Variants in PRKCI observed in about 807,000 individuals in gnomAD.
PRKCI encodes protein kinase C iota.
Under a neutral mutation model 84.0 loss-of-function variants are expected in PRKCI, and 43 were observed. The observed-to-expected ratio is 0.51, with a 90% CI of 0.40 to 0.66. The LOEUF (loss-of-function observed/expected upper bound fraction) is 0.66, where lower values mean the gene tolerates loss of function less well. Among genes scored for constraint, PRKCI ranks in the 30% least tolerant of loss-of-function variants. The pLI is 0.00. For missense variants in PRKCI, 459 were observed against 745.6 expected (o/e 0.62, Z 4.48); for synonymous variants, 216 against 234.4 (o/e 0.92, Z 0.72).
chr3:170,231,824 C>G (rs114163338), intron 1 of PRKCI, among the ~76,000 whole-genome samples: 3,220 of 152,220 alleles, frequency 0.021, 61 homozygotes, highest in East Asian at 0.1. Context: ...TAGTAATAAT[C>G]TCTTATCTTA....
At chr3:170,281,540 T>C (rs1033007510) in intron 10 of PRKCI, 17 of 409,046 alleles carry the variant, frequency 4.2e-5, no homozygotes, top group Non-Finnish European at 6.5e-5. Context: ...TATTCTAGTT[T>C]TATGACTTAA....
intron 4 of PRKCI, among the ~76,000 whole-genome samples, chr3:170,264,668 A>G (rs1344120174): frequency 6.6e-6 from 1 of 152,170 alleles, no homozygotes; most frequent in African/African-American, 2.4e-5. Context: ...TCCAATTCCT[A>G]GTAACTTCAG....
chr3:170,271,052 A>G (rs1054599535), intron 6 of PRKCI, among the ~76,000 whole-genome samples: 3 of 152,202 alleles, frequency 2.0e-5, no homozygotes, highest in African/African-American at 7.2e-5. Flanking sequence ...AAAAAAATAC[A>G]GAATACAGAT....
At chr3:170,234,743 CTATT>C (rs1206842748) in intron 1 of PRKCI, among the ~76,000 whole-genome samples, 1 of 152,028 alleles carries the variant, frequency 6.6e-6, no homozygotes, top group Non-Finnish European at 1.5e-5. Flanking sequence ...TTTTTAAAAA[CTATT>C]TAAAACAATA....
chr3:170,287,444 AT>A (rs1004671650), intron 12 of PRKCI, among the ~76,000 whole-genome samples: 1 of 151,904 alleles, frequency 6.6e-6, no homozygotes, highest in African/African-American at 2.4e-5. Context: ...TCATTCTGTT[AT>A]GTAGCATCAC....
At chr3:170,248,786 G>T (rs1347816602) in intron 2 of PRKCI, among the ~76,000 whole-genome samples, 1 of 151,972 alleles carries the variant, frequency 6.6e-6, no homozygotes, top group Non-Finnish European at 1.5e-5. Context: ...AGCAGATACT[G>T]GCCTGATAAA....
At chr3:170,288,143 G>T (rs530772410) in intron 12 of PRKCI, among the ~76,000 whole-genome samples, 16 of 151,796 alleles carry the variant, frequency 1.1e-4, no homozygotes, top group Admixed American at 2.6e-4. Context: ...CTACTCGGGA[G>T]GCTGAGGCAG....
At chr3:170,241,098 A>T (rs184147715) in intron 2 of PRKCI, among the ~76,000 whole-genome samples, 2 of 152,286 alleles carry the variant, frequency 1.3e-5, no homozygotes, top group African/African-American at 2.4e-5. Context: ...CGTGGGATAC[A>T]GTGTGATGTT....
intron 12 of PRKCI, among the ~76,000 whole-genome samples, chr3:170,286,485 CTTTTTTT>C (rs34674664): frequency 1.2e-4 from 8 of 65,588 alleles, no homozygotes; most frequent in Middle Eastern, 0.017. Context: ...AACAATGAGG[CTTTTTTT>C]TTTTTTTTTT....
chr3:170,285,535 C>T (rs983149339), intron 12 of PRKCI, among the ~76,000 whole-genome samples: 2 of 152,156 alleles, frequency 1.3e-5, no homozygotes, highest in African/African-American at 4.8e-5. Flanking sequence ...GTGTGAATTG[C>T]ATTCCCTGTT....
At chr3:170,245,695 G>C (rs1278260790) in intron 2 of PRKCI, among the ~76,000 whole-genome samples, 1 of 152,014 alleles carries the variant, frequency 6.6e-6, no homozygotes, top group East Asian at 1.9e-4. Context: ...GGCAATCACT[G>C]ATCTGCTTTC....
At chr3:170,226,013 A>T (rs1033443348) in intron 1 of PRKCI, among the ~76,000 whole-genome samples, 8 of 151,886 alleles carry the variant, frequency 5.3e-5, no homozygotes, top group Non-Finnish European at 1.0e-4. Context: ...CCCAGGTTCA[A>T]GGGATTCTCC....
intron 1 of PRKCI, among the ~76,000 whole-genome samples, chr3:170,229,111 A>T (rs73034314): frequency 0.038 from 5,718 of 152,146 alleles, 191 homozygotes; most frequent in East Asian, 0.1. Context: ...GTTAACAGTT[A>T]GGGATATTCT....
chr3:170,270,051 T>A (rs528605772), intron 5 of PRKCI, among the ~76,000 whole-genome samples: 1 of 152,346 alleles, frequency 6.6e-6, no homozygotes, highest in South Asian at 2.1e-4. Flanking sequence ...AGCTTTGTTT[T>A]GACCTCTGAA....
chr3:170,230,537 C>T (rs1009749638), intron 1 of PRKCI, among the ~76,000 whole-genome samples: 39 of 152,318 alleles, frequency 2.6e-4, no homozygotes, highest in African/African-American at 8.9e-4. Flanking sequence ...GCCATGTTGG[C>T]CAGGCTGGTC....
chr3:170,278,513 G>A (rs941214109), intron 8 of PRKCI, among the ~76,000 whole-genome samples: 4 of 152,128 alleles, frequency 2.6e-5, no homozygotes, highest in African/African-American at 9.7e-5. Flanking sequence ...AAAATTAGCC[G>A]GGTTTGGAGG....
intron 5 of PRKCI, among the ~76,000 whole-genome samples, chr3:170,269,678 CAA>C (rs552253834): frequency 4.1e-4 from 62 of 151,994 alleles, no homozygotes; most frequent in Admixed American, 1.4e-3. Flanking sequence ...AAAGAGAGAC[CAA>C]GTGCGGTGGC....
At chr3:170,295,644 C>A (rs554472762) in intron 14 of PRKCI, among the ~76,000 whole-genome samples, 1 of 150,742 alleles carries the variant, frequency 6.6e-6, no homozygotes, top group Admixed American at 6.6e-5. Context: ...CCACTGTGCT[C>A]CAGCCTGGAT....
chr3:170,259,808 A>AAAT (rs1481739016), intron 2 of PRKCI, among the ~76,000 whole-genome samples, 161 bp from the exon 3 acceptor site: 9 of 152,154 alleles, frequency 5.9e-5, no homozygotes, highest in African/African-American at 1.2e-4. Context: ...CTCTGTCTCC[A>AAAT]AATAATAATA....
Sources: allele counts gnomAD v4.1 joint callset (sites outside exome capture counted in the v4.1 genomes callset), GRCh38; gene constraint gnomAD v4.1.1; transcripts MANE v1.5; gene names NCBI Gene and HGNC (gene_info 2026-07-23, HGNC 2026-07-21).